ARID5B: variants seen among roughly 807,000 people sequenced by gnomAD.
The protein encoded by ARID5B is AT-rich interactive domain-containing protein 5B.
In ARID5B, 13 loss-of-function variants were observed where a neutral mutation model predicts 97.2. The ratio of observed to expected loss-of-function variants is 0.13; its 90% CI spans 0.09 to 0.21. ARID5B has a LOEUF of 0.21. Ranked by LOEUF, ARID5B falls within the 10% of genes least tolerant of loss-of-function variation. The pLI, the probability that ARID5B is intolerant of heterozygous loss-of-function variation, is 1.00. For synonymous variants in ARID5B, 556 were observed against 570.3 expected (o/e 0.97, Z 0.36); for missense variants, 1,210 against 1,465.3 (o/e 0.83, Z 2.84).
chr10:62,062,322 C>T (rs2132944900), intron 7 of ARID5B, among the ~76,000 whole-genome samples: 1 of 152,288 alleles, frequency 6.6e-6, no homozygotes, highest in African/African-American at 2.4e-5. Context: ...AGATCAGTGG[C>T]TCCTAAAAGC....
At chr10:61,975,385 C>T (rs1420731567) in intron 3 of ARID5B, among the ~76,000 whole-genome samples, 1 of 152,176 alleles carries the variant, frequency 6.6e-6, no homozygotes, top group Non-Finnish European at 1.5e-5. Context: ...GTTCACTTAA[C>T]AGCATAAATA....
intron 6 of ARID5B, 99 bp downstream of exon 6, chr10:62,057,417 C>G: frequency 8.2e-7 from 1 of 1,215,878 alleles, no homozygotes; most frequent in Non-Finnish European, 1.2e-6. Flanking sequence ...AAATCCTAAT[C>G]TGGGGATAGT....
intron 4 of ARID5B, chr10:62,024,910 G>T: frequency 3.0e-6 from 1 of 332,100 alleles, no homozygotes; most frequent in Non-Finnish European, 5.5e-6. Context: ...TCTAAGAAAA[G>T]ATAGCTACTT....
intron 7 of ARID5B, among the ~76,000 whole-genome samples, chr10:62,068,733 C>G (rs1840025491): frequency 6.6e-6 from 1 of 152,130 alleles, no homozygotes; most frequent in South Asian, 2.1e-4. Context: ...GGCCGCAGAA[C>G]TTGTTCTGTC....
At chr10:62,057,431 C>A in intron 6 of ARID5B, 113 bp downstream of exon 6, 1 of 1,075,774 alleles carries the variant, frequency 9.3e-7, no homozygotes, top group Non-Finnish European at 1.3e-6. Flanking sequence ...GGATAGTGCT[C>A]TCTGTTTATA....
intron 7 of ARID5B, among the ~76,000 whole-genome samples, chr10:62,068,472 C>T (rs1840021341): frequency 2.0e-5 from 3 of 152,062 alleles, no homozygotes; most frequent in Non-Finnish European, 4.4e-5. Flanking sequence ...ATTTAACCAG[C>T]CACCTCCTCC....
rs150935779 is a variant in ARID5B at position 62,034,871 on chromosome 10, T to C, written c.734-16017T>C. ...GCAGCTCTGCAGAGATGGGGTTCCT[T>C]AAAAAAGGAATCCTCACCAGGCAGT... On this transcript the variant is annotated intron_variant, in intron 4 of 9. Coordinates refer to ENST00000279873, the MANE Select transcript of ARID5B (RefSeq NM_032199.3). Among the ~76,000 whole-genome samples, 477 of 152,298 alleles carry C rather than the reference T, an allele frequency of 3.1e-3. 4 individuals carry two copies. The highest frequency in any genetic ancestry group is 0.011 in the African/African-American group (451 of 41,560).
chr10:62,050,506 G>A (rs979868046), intron 4 of ARID5B, among the ~76,000 whole-genome samples: 1 of 152,090 alleles, frequency 6.6e-6, no homozygotes, highest in African/African-American at 2.4e-5. Flanking sequence ...CTTAGGTTTC[G>A]GAAAGCAAGA....
At chr10:61,993,737 G>A (rs80092100) in intron 3 of ARID5B, among the ~76,000 whole-genome samples, 1,798 of 152,314 alleles carry the variant, frequency 0.012, 34 homozygotes, top group African/African-American at 0.037. Flanking sequence ...CAATATAATT[G>A]TCAATAGCAG....
At chr10:62,010,058 T>A (rs74910221) in intron 4 of ARID5B, among the ~76,000 whole-genome samples, 1 of 152,118 alleles carries the variant, frequency 6.6e-6, no homozygotes, top group Non-Finnish European at 1.5e-5. Context: ...CCCGAGGGAG[T>A]GAGTACTTGT....
At position 61,913,376 on chromosome 10, in the gene ARID5B, A is replaced by G. The variant is rs117329738; in HGVS notation, c.276+10963A>G. ...GGCTCATGTCTAATTTGCCATGGAC[A>G]ATTCTGTAGACTCACAAGATAACAG... is the stretch of plus-strand genomic sequence containing the variant. On this transcript the variant is annotated intron_variant, in intron 2 of 9. Transcript: ENST00000279873. Among the ~76,000 whole-genome samples, 200 of 152,372 alleles carry G rather than the reference A, an allele frequency of 1.3e-3. 1 individual carries two copies. Among genetic ancestry groups the G allele is most frequent in the Admixed American group, 2.9e-3 (44 of 15,304 alleles).
chr10:62,071,919 T>A (rs1186002082), intron 8 of ARID5B, among the ~76,000 whole-genome samples: 1 of 152,092 alleles, frequency 6.6e-6, no homozygotes, highest in Non-Finnish European at 1.5e-5. Flanking sequence ...AGTGTATGAG[T>A]CAGGGTGCAG....
At chr10:62,003,129 C>G (rs916556809) in intron 4 of ARID5B, among the ~76,000 whole-genome samples, 53 of 152,026 alleles carry the variant, frequency 3.5e-4, no homozygotes, top group Non-Finnish European at 1.5e-4. Context: ...TTGCTTTCTT[C>G]TATTAAATGC....
intron 2 of ARID5B, among the ~76,000 whole-genome samples, chr10:61,938,652 C>T (rs1844345638): frequency 6.6e-6 from 1 of 152,076 alleles, no homozygotes; most frequent in South Asian, 2.1e-4. Context: ...TTATAAAGTA[C>T]TCAAATTTTT....
intron 2 of ARID5B, among the ~76,000 whole-genome samples, chr10:61,911,704 T>C (rs1186342146): frequency 6.6e-6 from 1 of 152,202 alleles, no homozygotes; most frequent in East Asian, 1.9e-4. Context: ...TCATAGGCCA[T>C]ACATTGTGCC....
At chr10:61,958,388 C>A (rs972894301) in intron 3 of ARID5B, among the ~76,000 whole-genome samples, 2 of 152,100 alleles carry the variant, frequency 1.3e-5, no homozygotes, top group South Asian at 4.1e-4. Flanking sequence ...GCCACCGCGC[C>A]CGGCTAATTT....
intron 9 of ARID5B, among the ~76,000 whole-genome samples, chr10:62,090,592 T>C (rs1415006089): frequency 1.3e-5 from 2 of 152,248 alleles, no homozygotes; most frequent in South Asian, 2.1e-4. Context: ...GTGATATGAT[T>C]GTATACCATC....
Position 62,049,502 on chromosome 10 carries a change from T to G in ARID5B, c.734-1386T>G, listed in dbSNP as rs1191017972. On this transcript the variant is annotated intron_variant, in intron 4 of 9. Transcript: ENST00000279873. ...GGAATGGGTAATCGCTACTTTCTCT[T>G]TGCTTGATTTTTGTTTGTGAGCTTG... 1.4e-5 allele frequency: 22 copies of G among 1,550,438 alleles called. 1 individual carries two copies. The South Asian group carries it at 2.5e-4, about 18-fold the overall frequency.
chr10:61,929,100 G>A (rs953551673), intron 2 of ARID5B, among the ~76,000 whole-genome samples: 1 of 152,216 alleles, frequency 6.6e-6, no homozygotes, highest in Non-Finnish European at 1.5e-5. Context: ...CTGTCTAAAA[G>A]TTGACTCTTA....
Sources: allele counts gnomAD v4.1 joint callset (sites outside exome capture counted in the v4.1 genomes callset), GRCh38; gene constraint gnomAD v4.1.1; transcripts MANE v1.5; gene names NCBI Gene and HGNC (gene_info 2026-07-23, HGNC 2026-07-21).